Variants in RUNX1 observed in about 807,000 individuals in gnomAD.
The protein encoded by RUNX1 is RUNX family transcription factor 1, also known as runt-related transcription factor 1.
In RUNX1, 19 loss-of-function variants were observed where a neutral mutation model predicts 42.8. The ratio of observed to expected loss-of-function variants is 0.44; its 90% CI spans 0.31 to 0.65. The LOEUF (loss-of-function observed/expected upper bound fraction) is 0.65. RUNX1 is among the 30% of genes least tolerant of loss of function. RUNX1 has a pLI of 0.07. For missense variants in RUNX1, 528 were observed against 672.0 expected (o/e 0.79, Z 2.37); for synonymous variants, 271 against 289.4 (o/e 0.94, Z 0.64).
At chr21:34,976,711 G>A (rs1401851784) in intron 2 of RUNX1, among the ~76,000 whole-genome samples, 1 of 152,232 alleles carries the variant, frequency 6.6e-6, no homozygotes, top group Non-Finnish European at 1.5e-5. Flanking sequence ...AGAGAACCTA[G>A]AGAACTACTG....
At chr21:34,877,632 G>A (rs1447638417) in intron 5 of RUNX1, among the ~76,000 whole-genome samples, 2 of 152,216 alleles carry the variant, frequency 1.3e-5, no homozygotes, top group Non-Finnish European at 2.9e-5. Context: ...CTTCTACAGG[G>A]CCAGTGTAGC....
chr21:35,008,795 A>T (rs1471134648), intron 2 of RUNX1, among the ~76,000 whole-genome samples: 1 of 152,218 alleles, frequency 6.6e-6, no homozygotes, highest in Non-Finnish European at 1.5e-5. Context: ...TGATTATGGA[A>T]TGATCATTAC....
At chr21:34,896,475 G>A (rs1038396245) in intron 2 of RUNX1, among the ~76,000 whole-genome samples, 2 of 152,216 alleles carry the variant, frequency 1.3e-5, no homozygotes, top group Non-Finnish European at 2.9e-5. Context: ...CTAAGGTCAG[G>A]AGTTCGAGAC....
rs1172425101 is a variant in RUNX1, at chr21:34,853,966, C to T, written c.613+5508G>A. 2.0e-5 allele frequency among the ~76,000 whole-genome samples: 3 copies of T among 152,236 alleles called. No homozygotes were observed. The South Asian group carries it at 6.2e-4, about 32-fold the overall frequency. On this transcript the variant is annotated intron_variant, in intron 6 of 8. Transcript: ENST00000675419. ...GAGCTGGGACTACAGGCGTGTACCACCACACCAGGCCGATTTTTGTATTTT... is the reference window on the plus strand; with the variant it reads ...GAGCTGGGACTACAGGCGTGTACCATCACACCAGGCCGATTTTTGTATTTT...
In RUNX1 at chr21:34,889,664, G is replaced by T. The variant is rs748502581; in HGVS notation, c.98-2568C>A. The T allele has an allele frequency of 6.1e-6, 7 of 1,143,424 alleles. No homozygotes were observed. The African/African-American group carries it at 6.7e-5, about 11-fold the overall frequency. The allele number at this position is 1,143,424 out of a possible 1,614,324, so 70.8% of individuals were successfully genotyped here. ...CCCCCGTGCGCTCGAGCGGCCCCAG[G>T]TGCGGAACCCACCCCGGCTTCGCGT... On this transcript the variant is annotated intron_variant, in intron 3 of 8. Coordinates refer to ENST00000675419, the MANE Select transcript of RUNX1 (RefSeq NM_001754.5).
intron 2 of RUNX1, among the ~76,000 whole-genome samples, chr21:35,004,173 C>T (rs2059067063): frequency 6.6e-6 from 1 of 152,186 alleles, no homozygotes; most frequent in Admixed American, 6.5e-5. Context: ...GGTTATTCAT[C>T]GTGACTCTGC....
At chr21:34,851,809 A>T (rs1027675828) in intron 6 of RUNX1, among the ~76,000 whole-genome samples, 2 of 152,172 alleles carry the variant, frequency 1.3e-5, no homozygotes, top group African/African-American at 4.8e-5. Flanking sequence ...TTGGGTTTTC[A>T]CATTACCTGG....
chr21:34,892,795 C>A, intron 3 of RUNX1, 130 bp downstream of exon 3: 1 of 636,740 alleles, frequency 1.6e-6, no homozygotes, highest in Non-Finnish European at 2.8e-6. Flanking sequence ...TTGGAATCAG[C>A]AGAAACAGCC....
chr21:35,036,930 G>A (rs533720586), intron 2 of RUNX1, among the ~76,000 whole-genome samples: 1 of 152,306 alleles, frequency 6.6e-6, no homozygotes, highest in South Asian at 2.1e-4. Flanking sequence ...CTGAAGGAGG[G>A]ACTCAGGTGG....
chr21:34,877,529 A>G (rs1023663809), intron 5 of RUNX1, among the ~76,000 whole-genome samples: 2 of 152,148 alleles, frequency 1.3e-5, no homozygotes, highest in Admixed American at 6.6e-5. Flanking sequence ...AATCAAAGAG[A>G]GAAACATTCC....
At chr21:34,995,907 T>C (rs1393201340) in intron 2 of RUNX1, among the ~76,000 whole-genome samples, 1 of 152,276 alleles carries the variant, frequency 6.6e-6, no homozygotes, top group Non-Finnish European at 1.5e-5. Flanking sequence ...TGTATGTGTG[T>C]GTATATGTAC....
intron 2 of RUNX1, among the ~76,000 whole-genome samples, chr21:35,024,108 T>C (rs902418790): frequency 6.6e-6 from 1 of 152,170 alleles, no homozygotes; most frequent in Non-Finnish European, 1.5e-5. Flanking sequence ...GGTGCCTCCA[T>C]ATGTTTGTTT....
intron 7 of RUNX1, among the ~76,000 whole-genome samples, chr21:34,817,576 T>G (rs933216248): frequency 6.6e-6 from 1 of 152,172 alleles, no homozygotes; most frequent in Non-Finnish European, 1.5e-5. Context: ...AGAGCCTACC[T>G]GATCACAAAC....
At chr21:35,021,223 G>A (rs533540383) in intron 2 of RUNX1, among the ~76,000 whole-genome samples, 12 of 152,248 alleles carry the variant, frequency 7.9e-5, no homozygotes, top group African/African-American at 2.4e-4. Flanking sequence ...TTTCCCATCC[G>A]CAAAATGGGG....
rs368235533 is a variant in RUNX1, at chr21:34,938,670, A to G, written c.59-45707T>C. 3.3e-5 allele frequency among the ~76,000 whole-genome samples: 5 copies of G among 152,296 alleles called. No individual in the cohort carries two copies. The East Asian group carries it at 7.7e-4, about 23-fold the overall frequency. Reference sequence around the variant, plus strand: ...CATCGTCTGAAAATGATGAACACACATTGTTTAAAAATGAGGCTGGAAACT... The same window carrying G: ...CATCGTCTGAAAATGATGAACACACGTTGTTTAAAAATGAGGCTGGAAACT... On this transcript the variant is annotated intron_variant, in intron 2 of 8. Coordinates refer to ENST00000675419, the MANE Select transcript of RUNX1 (RefSeq NM_001754.5).
At chr21:34,971,783 A>G (rs776187881) in intron 2 of RUNX1, among the ~76,000 whole-genome samples, 7 of 152,186 alleles carry the variant, frequency 4.6e-5, no homozygotes, top group Non-Finnish European at 1.0e-4. Flanking sequence ...TTTGGAGCCC[A>G]TGAATTGCAA....
At chr21:34,939,322 C>A (rs984850618) in intron 2 of RUNX1, among the ~76,000 whole-genome samples, 14 of 152,334 alleles carry the variant, frequency 9.2e-5, no homozygotes, top group African/African-American at 3.1e-4. Context: ...ATTTTCATAG[C>A]AGAAATGGTC....
chr21:35,012,875 T>C (rs2059135641), intron 2 of RUNX1, among the ~76,000 whole-genome samples: 1 of 152,170 alleles, frequency 6.6e-6, no homozygotes, highest in African/African-American at 2.4e-5. Flanking sequence ...AGACAATAAA[T>C]ATTTTAGGCT....
intron 2 of RUNX1, among the ~76,000 whole-genome samples, chr21:34,920,893 C>CT (rs1160815543): frequency 6.6e-6 from 1 of 152,130 alleles, no homozygotes; most frequent in Non-Finnish European, 1.5e-5. Flanking sequence ...GAGTCTCACT[C>CT]TATCACCCAG....
Sources: allele counts gnomAD v4.1 joint callset (sites outside exome capture counted in the v4.1 genomes callset), GRCh38; gene constraint gnomAD v4.1.1; transcripts MANE v1.5; gene names NCBI Gene and HGNC (gene_info 2026-07-23, HGNC 2026-07-21).